Variants in PPP2R1B observed in about 807,000 individuals in gnomAD.
The protein encoded by PPP2R1B is serine/threonine-protein phosphatase 2A 65 kDa regulatory subunit A beta isoform.
PPP2R1B carries 58 observed loss-of-function variants against 72.7 expected under a neutral mutation model. The observed-to-expected ratio is 0.80, with a 90% CI of 0.65 to 0.99. PPP2R1B has a LOEUF of 0.99. Among genes scored for constraint, PPP2R1B ranks in the 50% least tolerant of loss-of-function variants. The pLI is 0.00. For synonymous variants in PPP2R1B, 256 were observed against 264.6 expected (o/e 0.97, Z 0.32); for missense variants, 695 against 733.6 (o/e 0.95, Z 0.61).
chr11:111,737,503 C>T (rs961878356), downstream of PPP2R1B: 4 of 1,614,112 alleles, frequency 2.5e-6, no homozygotes, highest in Middle Eastern at 1.6e-4. Flanking sequence ...CTTGTCAGCC[C>T]GAGGGACACT....
chr11:111,765,468 A>C, intron 1 of PPP2R1B, 84 bp from the exon 2 acceptor site: 1 of 1,077,042 alleles, frequency 9.3e-7, no homozygotes, highest in South Asian at 1.4e-5. Context: ...AACAGGTGAA[A>C]TTATGACACA....
Position 111,753,592 on chromosome 11 carries a change from A to C in PPP2R1B, c.1030-15T>G, listed in dbSNP as rs782735065. On this transcript the variant is annotated splice_polypyrimidine_tract_variant and intron_variant, in intron 8 of 14. Coordinates refer to ENST00000527614, the MANE Select transcript of PPP2R1B (RefSeq NM_002716.5). The stretch of plus-strand genomic sequence containing the variant: ...GATACTAATTCCTAAAATAAAATCG[A>C]AATTAAAAGCCTTTATTACAAGACA... The C allele has an allele frequency of 1.7e-5, 27 of 1,594,710 alleles. No individual in the cohort carries two copies. In the South Asian group the frequency reaches 3.1e-4, roughly 18 times the overall value.
Position 111,760,910 on chromosome 11 carries a change from C to G in PPP2R1B, c.448G>C (p.Gly150Arg). 1 of 1,614,188 alleles carries G rather than the reference C, an allele frequency of 6.2e-7. No individual in the cohort carries two copies. Among genetic ancestry groups the G allele is most frequent in the Non-Finnish European group, 8.5e-7 (1 of 1,180,044 alleles). Residue 150 changes from glycine to arginine, a missense_variant, in exon 4 of 15, where the codon GGG (glycine) becomes CGG (arginine). Physicochemically the swap from Gly to Arg is moderately radical, Grantham distance 125. Transcript: ENST00000527614. The stretch of plus-strand genomic sequence containing the variant: ...GATGTGCGAGAGGTGAACCAATCCC[C>G]ACTTGCTAAGCGTTTCACCAGAGGT... The part of the protein sequence containing the change: ...FVPLVKRLAS[G>R]DWFTSRTSAC...
chr11:111,699,085 G>A, the PPP2R1B span, among the ~76,000 whole-genome samples: 1 of 152,192 alleles, frequency 6.6e-6, no homozygotes, highest in East Asian at 1.9e-4. Context: ...AGTCATAGAG[G>A]TGGTACTGTG....
the PPP2R1B span, among the ~76,000 whole-genome samples, chr11:111,704,047 C>CTG: frequency 6.6e-6 from 1 of 152,170 alleles, no homozygotes; most frequent in Non-Finnish European, 1.5e-5. Flanking sequence ...CAGGAAGAAA[C>CTG]ATAACAAGAA....
chr11:111,737,472 T>C, downstream of PPP2R1B: 2 of 1,614,218 alleles, frequency 1.2e-6, no homozygotes, highest in South Asian at 1.1e-5. Flanking sequence ...CTCCAGGCAC[T>C]GTGGGTCTTG....
chr11:111,727,277 G>A (rs1944004383), intron 15 of PPP2R1B: 1 of 586,496 alleles, frequency 1.7e-6, no homozygotes, highest in South Asian at 2.1e-5. Flanking sequence ...TGGGGCTCAG[G>A]GGCTGTTCAT....
intron 11 of PPP2R1B, among the ~76,000 whole-genome samples, chr11:111,747,405 G>A (rs910060315): frequency 6.6e-6 from 1 of 152,238 alleles, no homozygotes; most frequent in Non-Finnish European, 1.5e-5. Flanking sequence ...AGCAGCAGCA[G>A]TGAGAGTACA....
intron 3 of PPP2R1B, 46 bp downstream of exon 3, chr11:111,764,759 A>G: frequency 1.3e-6 from 2 of 1,578,976 alleles, no homozygotes; most frequent in African/African-American, 2.7e-5. Flanking sequence ...TATCATTTAT[A>G]CTGCAAAAGT....
In PPP2R1B at chr11:111,765,285, T is replaced by C. The variant is rs1555052674; in HGVS notation, c.205+9A>G. 18 of 1,600,346 alleles carry C rather than the reference T, an allele frequency of 1.1e-5. No homozygotes were observed. The highest frequency in any genetic ancestry group is 2.2e-5 in the East Asian group (1 of 44,792). ...GTCCCTACCTTTCTTTAAACAAAGA[T>C]TCACATACCTGTAAGAAATGGCAAC... On this transcript the variant is annotated intron_variant, in intron 2 of 14. Transcript: ENST00000527614.
In PPP2R1B at chr11:111,741,385, T is replaced by C; in HGVS notation, c.*211A>G. On this transcript the variant is annotated 3_prime_UTR_variant, in exon 15 of 15. Transcript: ENST00000527614. ...CAGGAATTGGTCAATAAGAACGGCT[T>C]AAATAATGATTTAACAAGGAAGACG... 7.2e-7 allele frequency: 1 copy of C among 1,391,908 alleles called. No homozygotes were observed. The highest frequency in any genetic ancestry group is 9.3e-7 in the Non-Finnish European group (1 of 1,077,078). The allele number at this position is 1,391,908 out of a possible 1,614,324, so 86.2% of individuals were successfully genotyped here. A position where few individuals can be genotyped will look rare whatever the true frequency, so the allele number is the denominator to read the frequency against.
chr11:111,742,458 AC>A (rs1944556417), intron 13 of PPP2R1B, 64 bp downstream of exon 13: 3 of 1,512,476 alleles, frequency 2.0e-6, no homozygotes, highest in East Asian at 4.6e-5. Context: ...TTAGCTAATT[AC>A]TCCCCACTAT....
At chr11:111,719,692 A>G in the PPP2R1B span, 18 of 1,365,846 alleles carry the variant, frequency 1.3e-5, no homozygotes, top group Admixed American at 2.3e-4. Context: ...CTAGTTCGCC[A>G]CAAGTCTTGA....
chr11:111,703,530 C>T, the PPP2R1B span: 6 of 935,810 alleles, frequency 6.4e-6, no homozygotes, highest in South Asian at 3.0e-5. Context: ...AGCGCCTAGG[C>T]GTACTGTTCA....
chr11:111,764,956 T>G (rs1203724359), intron 2 of PPP2R1B, 51 bp from the exon 3 acceptor site: 1 of 1,598,950 alleles, frequency 6.3e-7, no homozygotes, highest in Non-Finnish European at 8.5e-7. Context: ...CTCCCACAGC[T>G]GGACACTGAC....
At chr11:111,745,253 T>C (rs370130825) in intron 11 of PPP2R1B, among the ~76,000 whole-genome samples, 2 of 152,200 alleles carry the variant, frequency 1.3e-5, no homozygotes, top group African/African-American at 2.4e-5. Flanking sequence ...GGTTTCACCA[T>C]GTTGGCCAGG....
chr11:111,727,226 C>T (rs1565406796), intron 15 of PPP2R1B: 2 of 631,836 alleles, frequency 3.2e-6, no homozygotes, highest in East Asian at 2.7e-5. Context: ...CTTGAGAATC[C>T]CTGCGTGGGA....
chr11:111,737,719 G>A (rs551077690), downstream of PPP2R1B: 2 of 1,429,226 alleles, frequency 1.4e-6, no homozygotes, highest in African/African-American at 2.8e-5. Flanking sequence ...GCACTGGGCA[G>A]AGAAAGCTGG....
At chr11:111,701,071 G>T in the PPP2R1B span, 2 of 1,568,190 alleles carry the variant, frequency 1.3e-6, no homozygotes, top group Non-Finnish European at 1.7e-6. This position sits in a 1 kb window ranked among gnomAD's most constrained non-coding sequence, Gnocchi z 4.2. Context: ...TGGTGTTCTG[G>T]CCCATCTTAG....
Sources: allele counts gnomAD v4.1 joint callset (sites outside exome capture counted in the v4.1 genomes callset), GRCh38; gene constraint gnomAD v4.1.1; non-coding constraint Gnocchi (gnomAD v3.1); transcripts MANE v1.5; gene names NCBI Gene and HGNC (gene_info 2026-07-23, HGNC 2026-07-21).